The following COL5A2 variants were observed in gnomAD, a reference collection of about 807,000 sequenced individuals.
COL5A2 encodes the protein collagen type V alpha 2 chain.
Under a neutral mutation model 208.2 loss-of-function variants are expected in COL5A2, and 23 were observed. The ratio of observed to expected loss-of-function variants is 0.11; its 90% confidence interval spans 0.08 to 0.16. The LOEUF is 0.16. Ranked by LOEUF, COL5A2 falls within the 10% of genes least tolerant of loss-of-function variation. COL5A2 has a pLI of 1.00. For synonymous variants in COL5A2, 625 were observed against 628.5 expected, an observed-to-expected ratio of 0.99 and a Z score of 0.08; for missense variants, 1,590 against 1,956.4, an observed-to-expected ratio of 0.81 and a Z score of 3.53.
Position 189,113,327 on chromosome 2 carries a change from G to A in COL5A2, c.98-2878C>T, listed in dbSNP as rs1687319944. Among the ~76,000 whole-genome samples the A allele has an allele frequency of 2.0e-5, 3 of 152,106 alleles. No individual in the cohort carries two copies. In the South Asian group the frequency reaches 6.2e-4, roughly 32 times the overall value. ...GCCTGTAGCTCCAGCTACTCCGAAG[G>A]TGAGGTAGGAGGATGATTTTAGCTC... On this transcript the variant is annotated intron_variant, in intron 1 of 53. Coordinates refer to ENST00000374866, the MANE Select transcript of COL5A2 (RefSeq NM_000393.5).
intron 34 of COL5A2, 31 bp downstream of exon 34, chr2:189,057,289 T>TTA: frequency 1.9e-6 from 1 of 524,682 alleles, no homozygotes; most frequent in Non-Finnish European, 2.8e-6. Flanking sequence ...ATAAATGAAC[T>TTA]GAAAAAAAAA....
rs369725456 is a variant in COL5A2 at position 189,045,225 on chromosome 2, C to T, written c.3317G>A (p.Arg1106Gln). ...DAGQRGDPGS[R>Q]GPIGPPGRAG... ...TCGACCAGGTGGTCCTATAGGACCC[C>T]GAGAACCCTAAAAGAAATTTACAAC... Residue 1106 changes from arginine (R) to glutamine (Q), a missense_variant, in exon 47 of 54, where the codon CGG (arginine) becomes CAG (glutamine). Physicochemically the swap from Arg to Gln is conservative, Grantham distance 43. Transcript: ENST00000374866. The T allele has an allele frequency of 1.2e-5, 19 of 1,605,430 alleles. No individual in the cohort carries two copies. Among genetic ancestry groups the T allele is most frequent in the South Asian group, 2.2e-5 (2 of 90,038 alleles).
the COL5A2 span, among the ~76,000 whole-genome samples, chr2:189,339,315 C>T: frequency 2.0e-5 from 3 of 149,734 alleles, no homozygotes; most frequent in African/African-American, 7.4e-5. Flanking sequence ...TGCGCCACTG[C>T]ACTCCAGCCT....
chr2:189,032,669 T>C lies in COL5A2; in HGVS notation c.*1401A>G, dbSNP rs969950625. On this transcript the variant is annotated 3_prime_UTR_variant, in exon 54 of 54. Transcript: ENST00000374866. ...AAATGCAATTAAGAAAAAAAAAGTA[T>C]TGAGACACAAGGGGACCTACATGTT... The C allele has an allele frequency of 5.9e-4, 90 of 152,374 alleles. No individual in the cohort carries two copies. The highest frequency in any genetic ancestry group is 2.1e-3 in the African/African-American group (87 of 41,510). The allele number at this position is 152,374 out of a possible 1,614,324, so 9.4% of individuals were successfully genotyped here.
rs115097458 is a variant in COL5A2, at chr2:189,128,073, A to G, written c.98-17624T>C. Reference sequence around the variant, plus strand: ...AATACTGCACAAATCCACTGCAGCAATTAGTTGAGCCTATTAATGCCACAG... The same window carrying G: ...AATACTGCACAAATCCACTGCAGCAGTTAGTTGAGCCTATTAATGCCACAG... On this transcript the variant is annotated intron_variant, in intron 1 of 53. Transcript: ENST00000374866. Among the ~76,000 whole-genome samples the G allele has an allele frequency of 1.0e-3, 157 of 152,150 alleles. 1 individual carries two copies. The highest frequency in any genetic ancestry group is 1.7e-3 in the Non-Finnish European group (116 of 67,896).
chr2:189,187,135 A>G (rs1234503208), intron 1 of COL5A2, among the ~76,000 whole-genome samples: 3 of 152,148 alleles, frequency 2.0e-5, no homozygotes, highest in East Asian at 1.9e-4. Context: ...TTCTCTTTAC[A>G]CACTATTCCA....
chr2:189,259,806 G>A, the COL5A2 span, among the ~76,000 whole-genome samples: 1 of 152,158 alleles, frequency 6.6e-6, no homozygotes, highest in East Asian at 1.9e-4. Context: ...TTCAAGTGAA[G>A]ATACTAGGGT....
chr2:189,236,308 A>C, the COL5A2 span, among the ~76,000 whole-genome samples: 1 of 151,784 alleles, frequency 6.6e-6, no homozygotes, highest in Non-Finnish European at 1.5e-5. Flanking sequence ...AATATCTGAC[A>C]CAGGGCCATT....
Position 189,104,258 on chromosome 2 carries a change from A to C in COL5A2, c.336+6T>G, listed in dbSNP as rs777171560. ...TGAAAAAGAAAATATGCAAAGTAAC[A>C]CTTACCTTTCTTCCTCTACCTGTAA... On this transcript the variant is annotated splice_donor_region_variant and intron_variant, in intron 3 of 53. Coordinates refer to ENST00000374866, the MANE Select transcript of COL5A2 (RefSeq NM_000393.5). The C allele has an allele frequency of 1.3e-6, 2 of 1,505,466 alleles. No individual in the cohort carries two copies. The highest frequency in any genetic ancestry group is 9.2e-7 in the Non-Finnish European group (1 of 1,083,480). The allele number at this position is 1,505,466 out of a possible 1,614,324, so 93.3% of individuals were successfully genotyped here.
At chr2:189,110,169 G>T in intron 2 of COL5A2, 56 bp downstream of exon 2, 1 of 1,255,670 alleles carries the variant, frequency 8.0e-7, no homozygotes, top group Non-Finnish European at 1.2e-6. Context: ...GAAAAACACT[G>T]CAACTATAAA....
chr2:189,325,481 G>GACAC, the COL5A2 span, among the ~76,000 whole-genome samples: 44 of 148,994 alleles, frequency 3.0e-4, no homozygotes, highest in African/African-American at 9.4e-4. Context: ...TCCCCAAACA[G>GACAC]ACACACACAC....
chr2:189,100,210 C>T, intron 3 of COL5A2, 71 bp from the exon 4 acceptor site: 3 of 1,179,356 alleles, frequency 2.5e-6, no homozygotes, highest in Non-Finnish European at 2.5e-6. Context: ...AAACATGTCA[C>T]CCTAGAATAT....
At chr2:189,228,646 A>T (rs1689446426), upstream of COL5A2, among the ~76,000 whole-genome samples, 1 of 151,852 alleles carries the variant, frequency 6.6e-6, no homozygotes, top group Admixed American at 6.6e-5. Context: ...CCTAAAAACC[A>T]GTAAAGAGAT....
the COL5A2 span, among the ~76,000 whole-genome samples, chr2:189,330,345 C>T: frequency 6.6e-6 from 1 of 152,088 alleles, no homozygotes; most frequent in Admixed American, 6.6e-5. Context: ...TGATAGAGGT[C>T]GCCCCAACTC....
At chr2:189,383,024 G>A in the COL5A2 span, among the ~76,000 whole-genome samples, 1 of 152,130 alleles carries the variant, frequency 6.6e-6, no homozygotes, top group African/African-American at 2.4e-5. Context: ...CCATGGTGAG[G>A]CCAGCTCAGA....
chr2:189,075,179 T>C (rs73978828), intron 17 of COL5A2, among the ~76,000 whole-genome samples: 197 of 152,302 alleles, frequency 1.3e-3, no homozygotes, highest in African/African-American at 4.5e-3. Context: ...ACTGAAGTTG[T>C]ATACTGTATT....
chr2:189,163,352 A>G (rs1192549744), intron 1 of COL5A2, among the ~76,000 whole-genome samples: 2 of 152,230 alleles, frequency 1.3e-5, no homozygotes, highest in Non-Finnish European at 2.9e-5. Context: ...TTTAGAGAAC[A>G]CTGAGTCTGT....
chr2:189,327,092 AT>A, the COL5A2 span, among the ~76,000 whole-genome samples: 2 of 151,006 alleles, frequency 1.3e-5, no homozygotes, highest in Admixed American at 6.6e-5. Context: ...AATAATAATA[AT>A]AATAAATAAA....
At chr2:189,334,738 T>G in the COL5A2 span, among the ~76,000 whole-genome samples, 1 of 151,966 alleles carries the variant, frequency 6.6e-6, no homozygotes, top group South Asian at 2.1e-4. Flanking sequence ...TTTCTAAAAT[T>G]TGTATTGAAC....
Sources: allele counts gnomAD v4.1 joint callset (sites outside exome capture counted in the v4.1 genomes callset), GRCh38; gene constraint gnomAD v4.1.1; transcripts MANE v1.5; gene names NCBI Gene and HGNC (gene_info 2026-07-23, HGNC 2026-07-21).